Variants in DPP6 observed in about 807,000 individuals in gnomAD.
The protein encoded by DPP6 is A-type potassium channel modulatory protein DPP6.
In DPP6, 69 loss-of-function variants were observed where a neutral mutation model predicts 122.6. That is an observed-to-expected ratio of 0.56 (90% CI 0.46 to 0.69). The LOEUF (loss-of-function observed/expected upper bound fraction) is 0.69. DPP6 is among the 30% of genes least tolerant of loss of function. The probability of loss-of-function intolerance (pLI) is 0.00; values close to 1 mark genes in which losing one functional copy is unlikely to be tolerated. For synonymous variants in DPP6, 418 were observed against 433.1 expected (o/e 0.97, Z 0.43); for missense variants, 928 against 1,116.9 (o/e 0.83, Z 2.41).
the DPP6 span, among the ~76,000 whole-genome samples, chr7:153,790,902 G>A: frequency 6.6e-6 from 1 of 152,160 alleles, no homozygotes; most frequent in Admixed American, 6.5e-5. Context: ...TAACAAAGGT[G>A]TCTGGTGAAC....
chr7:154,668,216 TATAA>T (rs1238043124), intron 6 of DPP6, among the ~76,000 whole-genome samples: 1 of 111,268 alleles, frequency 9.0e-6, no homozygotes, highest in Non-Finnish European at 1.9e-5. Context: ...TATATATATA[TATAA>T]TATACACATT....
At chr7:154,307,982 A>G (rs1012620167) in intron 1 of DPP6, among the ~76,000 whole-genome samples, 54 of 152,094 alleles carry the variant, frequency 3.6e-4, no homozygotes, top group Admixed American at 8.5e-4. Flanking sequence ...GCAAATCACC[A>G]AGTGTTGATT....
At chr7:154,104,795 A>T (rs1393275385) in intron 1 of DPP6, among the ~76,000 whole-genome samples, 1 of 136,816 alleles carries the variant, frequency 7.3e-6, no homozygotes, top group African/African-American at 2.8e-5. Context: ...GCACACCTCT[A>T]TGTGTGTGCT....
chr7:153,761,746 C>T, the DPP6 span, among the ~76,000 whole-genome samples: 2 of 152,214 alleles, frequency 1.3e-5, no homozygotes, highest in African/African-American at 4.8e-5. Flanking sequence ...TCCTTCAACC[C>T]ACGTTATCTA....
At chr7:154,495,387 TG>T (rs1412791018) in intron 3 of DPP6, among the ~76,000 whole-genome samples, 8 of 12,390 alleles carry the variant, frequency 6.5e-4, no homozygotes, top group Admixed American at 3.3e-3. Flanking sequence ...GGGTTTGTTG[TG>T]GTTTTTTTTT....
At chr7:153,812,659 G>T in the DPP6 span, among the ~76,000 whole-genome samples, 1 of 152,182 alleles carries the variant, frequency 6.6e-6, no homozygotes, top group East Asian at 1.9e-4. Flanking sequence ...AAACCAGAAA[G>T]CCTGATTCAA....
At chr7:153,918,466 A>ACACACACACACACT (rs1379555083) in intron 1 of DPP6, among the ~76,000 whole-genome samples, 3 of 95,950 alleles carry the variant, frequency 3.1e-5, no homozygotes, top group African/African-American at 7.7e-5. Context: ...ACACACACAC[A>ACACACACACACACT]CTCTCTCTCT....
intron 1 of DPP6, among the ~76,000 whole-genome samples, chr7:154,142,309 G>A (rs186877962): frequency 6.6e-6 from 1 of 152,112 alleles, no homozygotes; most frequent in Non-Finnish European, 1.5e-5. Context: ...AGTTGGCATT[G>A]GATAATGTAT....
chr7:154,119,369 CG>C (rs1563217310), intron 1 of DPP6, among the ~76,000 whole-genome samples: 1 of 152,068 alleles, frequency 6.6e-6, no homozygotes, highest in African/African-American at 2.4e-5. Flanking sequence ...AACAAGTGGC[CG>C]GGTTCCCATC....
At chr7:154,727,148 G>T (rs1360505468) in intron 7 of DPP6, among the ~76,000 whole-genome samples, 1 of 152,144 alleles carries the variant, frequency 6.6e-6, no homozygotes, top group Non-Finnish European at 1.5e-5. Context: ...AACTACCTGA[G>T]ACTTGGTAAT....
chr7:154,451,560 G>A (rs1820383392), intron 2 of DPP6, among the ~76,000 whole-genome samples: 1 of 152,080 alleles, frequency 6.6e-6, no homozygotes, highest in African/African-American at 2.4e-5. Context: ...CAGCACAGCA[G>A]CTGACCCTGC....
chr7:154,858,774 G>A, intron 17 of DPP6, among the ~76,000 whole-genome samples: 1 of 152,166 alleles, frequency 6.6e-6, no homozygotes, highest in South Asian at 2.1e-4. Context: ...TGAGAGCTCA[G>A]CCCTTGAACT....
chr7:154,466,052 G>T (rs545436252), intron 2 of DPP6, among the ~76,000 whole-genome samples: 3 of 152,282 alleles, frequency 2.0e-5, no homozygotes, highest in South Asian at 2.1e-4. Flanking sequence ...CATGTCCTTT[G>T]CAGGGACATG....
At chr7:153,946,114 G>A (rs1240619797) in intron 1 of DPP6, among the ~76,000 whole-genome samples, 2 of 152,184 alleles carry the variant, frequency 1.3e-5, no homozygotes, top group Non-Finnish European at 2.9e-5. Context: ...CTGGAAAGGG[G>A]TCCAGTCCAG....
intron 1 of DPP6, among the ~76,000 whole-genome samples, chr7:154,343,501 T>A (rs1041888230): frequency 2.0e-5 from 3 of 152,268 alleles, no homozygotes; most frequent in African/African-American, 7.2e-5. Flanking sequence ...TGTAGGATTG[T>A]TGTCTCACGT....
At chr7:154,551,320 T>G (rs1829619075) in intron 4 of DPP6, among the ~76,000 whole-genome samples, 1 of 152,148 alleles carries the variant, frequency 6.6e-6, no homozygotes, top group South Asian at 2.1e-4. Context: ...TCTCTCTTTT[T>G]TGGGGGAGGT....
chr7:153,988,970 C>T (rs1160171407), intron 1 of DPP6, among the ~76,000 whole-genome samples: 2 of 150,398 alleles, frequency 1.3e-5, no homozygotes, highest in East Asian at 2.0e-4. Context: ...GGGGATTTCT[C>T]CGCGCAGAAA....
chr7:154,410,069 A>C (rs1490574201), intron 1 of DPP6, among the ~76,000 whole-genome samples: 1 of 152,252 alleles, frequency 6.6e-6, no homozygotes, highest in African/African-American at 2.4e-5. Context: ...GAGTTAAAGA[A>C]ATTTAGAAAT....
intron 1 of DPP6, among the ~76,000 whole-genome samples, chr7:154,213,541 G>T (rs1799848039): frequency 6.6e-6 from 1 of 152,164 alleles, no homozygotes; most frequent in African/African-American, 2.4e-5. Flanking sequence ...CTTCATCAGT[G>T]CCCTTGGCAA....
Sources: gnomAD v4.1 joint callset for allele counts (sites outside exome capture counted in the v4.1 genomes callset) on GRCh38, gnomAD v4.1.1 for gene constraint, MANE v1.5 for transcripts, NCBI Gene and HGNC (gene_info 2026-07-23, HGNC 2026-07-21) for gene names.